Variants in RSPO4 observed in about 807,000 individuals in gnomAD.
The protein encoded by RSPO4 is R-spondin-4.
Under a neutral mutation model 24.8 loss-of-function variants are expected in RSPO4, and 23 were observed. The ratio of observed to expected loss-of-function variants is 0.93; its 90% CI spans 0.67 to 1.31. The LOEUF (loss-of-function observed/expected upper bound fraction) is 1.31. Among genes scored for constraint, RSPO4 ranks in the 40% most tolerant of loss-of-function variants. The pLI is 0.00. For missense variants in RSPO4, 333 were observed against 316.5 expected (o/e 1.05, Z -0.39); for synonymous variants, 141 against 127.4 (o/e 1.11, Z -0.72).
chr20:1,000,901 C>T (rs184595031), intron 1 of RSPO4, among the ~76,000 whole-genome samples: 1 of 152,342 alleles, frequency 6.6e-6, no homozygotes, highest in Non-Finnish European at 1.5e-5. Context: ...AATTCTCCCA[C>T]AGCCTCTGTC....
chr20:971,748 A>G lies in RSPO4; in HGVS notation c.80-3610T>C, dbSNP rs75846141. Among the ~76,000 whole-genome samples the G allele has an allele frequency of 4.5e-3, 689 of 152,350 alleles. 7 individuals are homozygous for G. The highest frequency in any genetic ancestry group is 0.015 in the African/African-American group (640 of 41,570). On this transcript the variant is annotated intron_variant, in intron 1 of 4. Coordinates refer to ENST00000217260, the MANE Select transcript of RSPO4 (RefSeq NM_001029871.4). ...ACTAACCAACACTGAATTCAGGATCATGGCACACAAATGTTTATTATATTA... is the reference window on the plus strand; with the variant it reads ...ACTAACCAACACTGAATTCAGGATCGTGGCACACAAATGTTTATTATATTA...
At chr20:998,858 A>G (rs1285875462) in intron 1 of RSPO4, among the ~76,000 whole-genome samples, 1 of 152,168 alleles carries the variant, frequency 6.6e-6, no homozygotes, top group African/African-American at 2.4e-5. Flanking sequence ...TTCTCCTGCC[A>G]AAGTTAGATA....
intron 4 of RSPO4, 21 bp downstream of exon 4, chr20:963,914 T>C (rs761854904): frequency 1.2e-5 from 20 of 1,612,544 alleles, no homozygotes; most frequent in Non-Finnish European, 1.6e-5. Context: ...CGCAGCCTCG[T>C]GTGCCTGTCC....
intron 1 of RSPO4, among the ~76,000 whole-genome samples, chr20:982,055 C>T (rs1201170149): frequency 1.3e-5 from 2 of 152,172 alleles, no homozygotes; most frequent in Non-Finnish European, 2.9e-5. Context: ...CACTGGTGAC[C>T]TTCAGAAAAA....
chr20:999,750 G>A (rs987549527), intron 1 of RSPO4, among the ~76,000 whole-genome samples: 3 of 152,126 alleles, frequency 2.0e-5, no homozygotes, highest in African/African-American at 7.2e-5. Flanking sequence ...AGGTGGTGGT[G>A]AGCTGTAGAT....
chr20:962,208 C>A (rs1984020405), intron 4 of RSPO4, among the ~76,000 whole-genome samples: 1 of 152,166 alleles, frequency 6.6e-6, no homozygotes, highest in Admixed American at 6.5e-5. Flanking sequence ...TGAGAAGGCT[C>A]ATTTCAGAAG....
intron 3 of RSPO4, among the ~76,000 whole-genome samples, chr20:965,824 T>C (rs1325594352): frequency 6.6e-6 from 1 of 152,224 alleles, no homozygotes; most frequent in East Asian, 1.9e-4. Context: ...TGTCATGTCC[T>C]TGAGTGCAGA....
intron 1 of RSPO4, among the ~76,000 whole-genome samples, chr20:994,264 G>C (rs1237685674): frequency 6.6e-6 from 1 of 152,166 alleles, no homozygotes; most frequent in Non-Finnish European, 1.5e-5. Context: ...CATGTGTGTA[G>C]AGATGTAGGT....
At chr20:962,041 C>CA (rs2122205943) in intron 4 of RSPO4, among the ~76,000 whole-genome samples, 1 of 152,322 alleles carries the variant, frequency 6.6e-6, no homozygotes, top group East Asian at 1.9e-4. Flanking sequence ...GCCATCCATC[C>CA]ACTCATCCAA....
Position 975,874 on chromosome 20 carries a change from T to G in RSPO4, c.80-7736A>C, listed in dbSNP as rs114028914. ...TAATAATGCTTATCTTGCAGGGCTGTTGTGATTAAAGGAGATGGTACGTGA... is the reference window on the plus strand; with the variant it reads ...TAATAATGCTTATCTTGCAGGGCTGGTGTGATTAAAGGAGATGGTACGTGA... On this transcript the variant is annotated intron_variant, in intron 1 of 4. Coordinates refer to ENST00000217260, the MANE Select transcript of RSPO4 (RefSeq NM_001029871.4). Among the ~76,000 whole-genome samples the G allele has an allele frequency of 8.5e-3, 1,296 of 152,244 alleles. 15 individuals are homozygous for G. The highest frequency in any genetic ancestry group is 0.029 in the African/African-American group (1,213 of 41,524).
chr20:989,910 C>T (rs1985041600), intron 1 of RSPO4, among the ~76,000 whole-genome samples: 1 of 152,218 alleles, frequency 6.6e-6, no homozygotes, highest in Non-Finnish European at 1.5e-5. Context: ...CAGAACTAGG[C>T]TAATGCTGGC....
chr20:1,002,035 G>T lies in RSPO4; in HGVS notation c.79+51C>A. The T allele has an allele frequency of 6.7e-7, 1 of 1,485,784 alleles. No individual in the cohort carries two copies. Among genetic ancestry groups the T allele is most frequent in the Non-Finnish European group, 9.2e-7 (1 of 1,092,892 alleles). The allele number at this position is 1,485,784 out of a possible 1,614,324, so 92.0% of individuals were successfully genotyped here. A position where few individuals can be genotyped will look rare whatever the true frequency, so the allele number is the denominator to read the frequency against. ...CGCCGCCCCCGGTCCTCCGGCCCCC[G>T]GTCTGCCCCGCAGCGCCTGCCCGGC... On this transcript the variant is annotated intron_variant, in intron 1 of 4. Transcript: ENST00000217260. This position sits in a 1 kb window ranked among gnomAD's most constrained non-coding sequence, Gnocchi z 4.6.
At chr20:973,459 ATTGTTTGTTTGTTTGT>A (rs138891857) in intron 1 of RSPO4, among the ~76,000 whole-genome samples, 2 of 150,522 alleles carry the variant, frequency 1.3e-5, no homozygotes, top group African/African-American at 4.9e-5. Context: ...TGTTTGTTTT[ATTGTTTGTTTGTTTGT>A]TTGTTTGTTT....
intron 1 of RSPO4, among the ~76,000 whole-genome samples, chr20:990,421 A>G (rs6056462): frequency 0.35 from 53,154 of 151,948 alleles, 14,461 homozygotes; most frequent in African/African-American, 0.76. Context: ...CAAACATCCC[A>G]AGTGTATGTT....
Position 958,505 on chromosome 20 carries a change from T to C in RSPO4, c.*1852A>G, listed in dbSNP as rs554318960. The C allele has an allele frequency of 3.9e-5, 6 of 152,314 alleles. No homozygotes were observed. In the South Asian group the frequency reaches 1.0e-3, roughly 26 times the overall value. 9.4% of individuals were successfully genotyped at this position (152,314 alleles called of 1,614,324 possible). On this transcript the variant is annotated 3_prime_UTR_variant, in exon 5 of 5. Coordinates refer to ENST00000217260, the MANE Select transcript of RSPO4 (RefSeq NM_001029871.4). ...AAAGTTTTAAAAAAAAGTTAGGGTC[T>C]TGAAACAATAACAACGGAGCATTTC...
chr20:965,887 G>C (rs1984179319), intron 3 of RSPO4, among the ~76,000 whole-genome samples: 1 of 152,222 alleles, frequency 6.6e-6, no homozygotes, highest in South Asian at 2.1e-4. Context: ...GAAAGTGCCT[G>C]GCCATAGCAG....
intron 1 of RSPO4, among the ~76,000 whole-genome samples, chr20:982,723 G>T (rs1170214477): frequency 6.6e-6 from 1 of 152,204 alleles, no homozygotes; most frequent in Non-Finnish European, 1.5e-5. Flanking sequence ...GCCTACTTTG[G>T]TTGTTGTAAA....
chr20:965,104 C>CAGACA (rs1984152562), intron 3 of RSPO4, among the ~76,000 whole-genome samples: 2 of 152,140 alleles, frequency 1.3e-5, no homozygotes, highest in Admixed American at 6.5e-5. Context: ...GGAGCAGCAG[C>CAGACA]AGACAAGACA....
rs1187861112 is a variant in RSPO4, at chr20:985,286, T to TATCC, written c.79+16796_79+16799dup. Among the ~76,000 whole-genome samples the TATCC allele has an allele frequency of 6.9e-5, 9 of 130,526 alleles. 1 individual carries two copies. The East Asian group carries it at 7.9e-4, about 11-fold the overall frequency. 85.6% of individuals were successfully genotyped at this position (130,526 alleles called of 152,430 possible). A position where few individuals can be genotyped will look rare whatever the true frequency, so the allele number is the denominator to read the frequency against. The stretch of plus-strand genomic sequence containing the variant: ...CCATCCATCCACCCACCCACTCATC[T>TATCC]ATCCATCCATCCATCCATCTATCCA... On this transcript the variant is annotated intron_variant, in intron 1 of 4. Coordinates refer to ENST00000217260, the MANE Select transcript of RSPO4 (RefSeq NM_001029871.4).
Sources: allele counts gnomAD v4.1 joint callset (sites outside exome capture counted in the v4.1 genomes callset), GRCh38; gene constraint gnomAD v4.1.1; non-coding constraint Gnocchi (gnomAD v3.1); transcripts MANE v1.5; gene names NCBI Gene and HGNC (gene_info 2026-07-23, HGNC 2026-07-21).